The following FABP3 variants were observed in gnomAD, a reference collection of about 807,000 sequenced individuals.
FABP3 encodes fatty acid binding protein 3.
Under a neutral mutation model 13.4 loss-of-function variants are expected in FABP3, and 8 were observed. The observed-to-expected ratio is 0.60, with a 90% CI of 0.35 to 1.07. FABP3 has a LOEUF of 1.07. FABP3 is among the 50% of genes least tolerant of loss of function. The pLI, the probability that FABP3 is intolerant of heterozygous loss-of-function variation, is 0.02. For missense variants in FABP3, 135 were observed against 164.7 expected, an observed-to-expected ratio of 0.82 and a Z score of 0.99; for synonymous variants, 64 against 60.0, an observed-to-expected ratio of 1.07 and a Z score of -0.31.
At chr1:31,369,112 G>A in intron 2 of FABP3, 1 of 411,202 alleles carries the variant, frequency 2.4e-6, no homozygotes, top group Non-Finnish European at 4.4e-6. Flanking sequence ...AGATACTGAG[G>A]TCAGAAGAAC....
At position 31,373,053 on chromosome 1, in the gene FABP3, C is replaced by T. The variant is rs887722407; in HGVS notation, c.-39G>A. On this transcript the variant is annotated 5_prime_UTR_variant, in exon 1 of 4. Transcript: ENST00000373713. ...TAGGCTGAGAGAAGCTACAAGAGAG[C>T]AGGCGTGCAAGGGCTCCGACGGCGG... 7 of 1,605,518 alleles carry T rather than the reference C, an allele frequency of 4.4e-6. No homozygotes were observed. In the African/African-American group the frequency reaches 6.7e-5, roughly 15 times the overall value.
chr1:31,368,333 T>C (rs1012387709), intron 2 of FABP3, among the ~76,000 whole-genome samples: 1 of 152,248 alleles, frequency 6.6e-6, no homozygotes, highest in African/African-American at 2.4e-5. Flanking sequence ...CTTGTTCTCA[T>C]TCCCCTAGTT....
chr1:31,362,079 G>A (rs1639927637), downstream of FABP3, among the ~76,000 whole-genome samples: 1 of 152,110 alleles, frequency 6.6e-6, no homozygotes. Context: ...CAGAGTGCTG[G>A]GATTACAGGC....
rs1192213814 is a variant in FABP3, at chr1:31,365,955, G to A, written c.349-16C>T. ...GGGTGAGTGTCTGGAAGGAAAGACA[G>A]AGTGAGATGGGGGGTGGAGCCAGGA... On this transcript the variant is annotated splice_polypyrimidine_tract_variant and intron_variant, in intron 3 of 3. Coordinates refer to ENST00000373713, the MANE Select transcript of FABP3 (RefSeq NM_004102.5). The A allele has an allele frequency of 1.2e-6, 2 of 1,613,210 alleles. No homozygotes were observed. The highest frequency in any genetic ancestry group is 1.3e-5 in the African/African-American group (1 of 74,882).
downstream of FABP3, among the ~76,000 whole-genome samples, chr1:31,363,874 G>T (rs1640026309): frequency 6.6e-6 from 1 of 152,018 alleles, no homozygotes; most frequent in African/African-American, 2.4e-5. Context: ...TGTTAGCCAG[G>T]TTGATCTTGA....
chr1:31,365,767 C>T lies in FABP3; in HGVS notation c.*119G>A, dbSNP rs1188297409. 1.2e-5 allele frequency: 11 copies of T among 936,402 alleles called. 1 individual carries two copies. Among genetic ancestry groups the T allele is most frequent in the African/African-American group, 6.6e-5 (4 of 60,804 alleles). The allele number at this position is 936,402 out of a possible 1,614,324, so 58.0% of individuals were successfully genotyped here. A position where few individuals can be genotyped will look rare whatever the true frequency, so the allele number is the denominator to read the frequency against. On this transcript the variant is annotated 3_prime_UTR_variant, in exon 4 of 4. Transcript: ENST00000373713. The stretch of plus-strand genomic sequence containing the variant: ...TGGAACTGGATCCCGGTCAGTGGCA[C>T]CTGACCCCAGAAGAATTCGTGGATT...
At chr1:31,364,553 G>A (rs1640059275), downstream of FABP3, 1 of 249,240 alleles carries the variant, frequency 4.0e-6, no homozygotes, top group Non-Finnish European at 7.9e-6. Flanking sequence ...AGACTGTTGT[G>A]GAGGTGAGTT....
intron 1 of FABP3, among the ~76,000 whole-genome samples, chr1:31,370,004 C>G (rs1640178974): frequency 1.3e-5 from 2 of 150,890 alleles, no homozygotes; most frequent in South Asian, 4.2e-4. Context: ...ACTCAGGAGG[C>G]TGAGGCTGAG....
downstream of FABP3, among the ~76,000 whole-genome samples, chr1:31,362,693 T>C (rs1432554249): frequency 1.3e-5 from 2 of 152,222 alleles, no homozygotes; most frequent in Non-Finnish European, 2.9e-5. Context: ...CAGGATCTAA[T>C]AGAAACCAGA....
intron 1 of FABP3, among the ~76,000 whole-genome samples, chr1:31,371,999 A>G (rs1008806426): frequency 6.6e-6 from 1 of 152,156 alleles, no homozygotes; most frequent in South Asian, 2.1e-4. Flanking sequence ...TGGAATTGTT[A>G]TAATACATTT....
intron 1 of FABP3, among the ~76,000 whole-genome samples, chr1:31,369,982 G>A (rs938557941): frequency 1.3e-5 from 2 of 151,736 alleles, no homozygotes; most frequent in Non-Finnish European, 2.9e-5. Flanking sequence ...GTATGTGCCT[G>A]TAATCCCAGC....
rs549991256 is a variant in FABP3 at position 31,365,819 on chromosome 1, G to A, written c.*67C>T. On this transcript the variant is annotated 3_prime_UTR_variant, in exon 4 of 4. Coordinates refer to ENST00000373713, the MANE Select transcript of FABP3 (RefSeq NM_004102.5). ...GTACAAAATGCAGAGGAAGAAATGAGGCAATGTGGTGCTGAGTCGAGGGGT... is the reference window on the plus strand; with the variant it reads ...GTACAAAATGCAGAGGAAGAAATGAAGCAATGTGGTGCTGAGTCGAGGGGT... 7.2e-4 allele frequency: 1,003 copies of A among 1,397,098 alleles called. 2 individuals are homozygous for A. Among genetic ancestry groups the A allele is most frequent in the Admixed American group, 4.3e-3 (253 of 58,974 alleles). 86.5% of individuals were successfully genotyped at this position (1,397,098 alleles called of 1,614,324 possible). A position where few individuals can be genotyped will look rare whatever the true frequency, so the allele number is the denominator to read the frequency against.
downstream of FABP3, chr1:31,364,141 C>T: frequency 6.2e-7 from 1 of 1,613,636 alleles, no homozygotes; most frequent in Non-Finnish European, 8.5e-7. Context: ...GACAGCAAGG[C>T]AGCAAAGAAG....
At chr1:31,361,352 T>C (rs146611920), downstream of FABP3, among the ~76,000 whole-genome samples, 3 of 152,338 alleles carry the variant, frequency 2.0e-5, no homozygotes, top group Admixed American at 6.5e-5. Flanking sequence ...AAAATACATA[T>C]AGCTCCCACT....
chr1:31,367,531 A>C (rs1640135180), intron 2 of FABP3, 37 bp from the exon 3 acceptor site: 1 of 1,570,536 alleles, frequency 6.4e-7, no homozygotes, highest in African/African-American at 1.4e-5. Flanking sequence ...CTGTGATCTT[A>C]GTCAGGAATT....
At chr1:31,366,008 T>C in intron 3 of FABP3, 69 bp from the exon 4 acceptor site, 1 of 1,352,456 alleles carries the variant, frequency 7.4e-7, no homozygotes, top group Non-Finnish European at 1.1e-6. Flanking sequence ...CTACCCTCCC[T>C]TCCTCCTGAT....
chr1:31,365,168 G>A (rs2148492737), downstream of FABP3, among the ~76,000 whole-genome samples: 1 of 152,120 alleles, frequency 6.6e-6, no homozygotes, highest in Non-Finnish European at 1.5e-5. Context: ...GAGTTGATTA[G>A]AGAAGCAGTA....
chr1:31,372,700 C>T (rs1409985395), intron 1 of FABP3, among the ~76,000 whole-genome samples: 1 of 152,154 alleles, frequency 6.6e-6, no homozygotes, highest in Admixed American at 6.5e-5. Flanking sequence ...ATCCCTCTTC[C>T]TGGAAAGAGC....
chr1:31,366,888 A>G (rs889280014), intron 3 of FABP3, among the ~76,000 whole-genome samples: 1 of 152,200 alleles, frequency 6.6e-6, no homozygotes, highest in Non-Finnish European at 1.5e-5. Context: ...GCAAGTGACA[A>G]TGCAGTCCTA....
Sources: allele counts gnomAD v4.1 joint callset (sites outside exome capture counted in the v4.1 genomes callset), GRCh38; gene constraint gnomAD v4.1.1; transcripts MANE v1.5; gene names NCBI Gene and HGNC (gene_info 2026-07-23, HGNC 2026-07-21).